HOXD3: variants seen among roughly 807,000 people sequenced by gnomAD.
HOXD3 encodes homeobox protein Hox-D3.
Under a neutral mutation model 32.8 loss-of-function variants are expected in HOXD3, and 13 were observed. That is an observed-to-expected ratio of 0.40 (90% CI 0.26 to 0.63). The LOEUF is 0.63. Ranked by LOEUF, HOXD3 falls within the 20% of genes least tolerant of loss-of-function variation. HOXD3 has a pLI of 0.44. For synonymous variants in HOXD3, 241 were observed against 246.8 expected (o/e 0.98, Z 0.22); for missense variants, 504 against 577.1 (o/e 0.87, Z 1.30).
intron 2 of HOXD3, among the ~76,000 whole-genome samples, chr2:176,167,621 G>A (rs149392373): frequency 5.3e-4 from 79 of 149,506 alleles, no homozygotes; most frequent in Non-Finnish European, 1.0e-3. Flanking sequence ...CCCTGTCATC[G>A]TTAAGTGGAC....
chr2:176,153,353 G>A, upstream of HOXD3: 1 of 207,160 alleles, frequency 4.8e-6, no homozygotes, highest in Non-Finnish European at 9.9e-6. Flanking sequence ...AGTTGAGGCA[G>A]AAGGTTGGCC....
Position 176,171,490 on chromosome 2 carries a change from GCCCTCCCTCTCT to G in HOXD3, c.542-18_542-7del. 1 of 1,553,318 alleles carries G rather than the reference GCCCTCCCTCTCT, an allele frequency of 6.4e-7. No individual in the cohort carries two copies. The highest frequency in any genetic ancestry group is 8.7e-7 in the Non-Finnish European group (1 of 1,149,144). On this transcript the variant is annotated splice_polypyrimidine_tract_variant and intron_variant, in intron 3 of 3. Coordinates refer to ENST00000683222, the MANE Select transcript of HOXD3 (RefSeq NM_006898.5). The stretch of plus-strand genomic sequence containing the variant: ...GAGGGTCCCCACCCACTCGCTCAGC[GCCCTCCCTCTCT>G]CCCTCCCTGCCCAGGAGAGAGCTGC...
At chr2:176,161,847 A>T (rs931096361) in intron 1 of HOXD3, among the ~76,000 whole-genome samples, 2 of 152,242 alleles carry the variant, frequency 1.3e-5, no homozygotes, top group African/African-American at 4.8e-5. Context: ...AAGCTAAATC[A>T]TATATTGGTT....
At chr2:176,155,773 G>GT (rs757922802), upstream of HOXD3, among the ~76,000 whole-genome samples, 16 of 152,228 alleles carry the variant, frequency 1.1e-4, no homozygotes, top group Non-Finnish European at 1.9e-4. Context: ...AAGTGTTTGT[G>GT]TTGGTGTTTT....
intron 3 of HOXD3, 35 bp downstream of exon 3, chr2:176,169,690 C>T: frequency 6.5e-7 from 1 of 1,544,566 alleles, no homozygotes; most frequent in South Asian, 1.3e-5. Context: ...CCAGACCAAG[C>T]CCCCTCCAGA....
At chr2:176,157,181 CG>C (rs909052994), upstream of HOXD3, among the ~76,000 whole-genome samples, 3 of 152,134 alleles carry the variant, frequency 2.0e-5, no homozygotes, top group Non-Finnish European at 4.4e-5. Context: ...CGCTGGCAGC[CG>C]GGGGAGGGCC....
upstream of HOXD3, among the ~76,000 whole-genome samples, chr2:176,153,852 G>T (rs547712521): frequency 6.6e-6 from 1 of 152,228 alleles, no homozygotes; most frequent in African/African-American, 2.4e-5. Flanking sequence ...ACCAACAAAT[G>T]GTCCAACATT....
At position 176,172,608 on chromosome 2, in the gene HOXD3, G is replaced by C. The variant is rs1574990428; in HGVS notation, c.*334G>C. On this transcript the variant is annotated 3_prime_UTR_variant, in exon 4 of 4. Transcript: ENST00000683222. ...AGCGGCGCGCCCTGCAGAGGGACCA[G>C]AGCTTGGAGAGTCTTGGGCCTGGCC... The C allele has an allele frequency of 6.3e-6, 2 of 315,780 alleles. No individual in the cohort carries two copies. The highest frequency in any genetic ancestry group is 1.1e-4 in the East Asian group (2 of 18,888). The allele number at this position is 315,780 out of a possible 1,614,324, so 19.6% of individuals were successfully genotyped here. A position where few individuals can be genotyped will look rare whatever the true frequency, so the allele number is the denominator to read the frequency against.
rs1559143970 is a variant in HOXD3, at chr2:176,173,096, G to C, written c.*822G>C. On this transcript the variant is annotated 3_prime_UTR_variant, in exon 4 of 4. Coordinates refer to ENST00000683222, the MANE Select transcript of HOXD3 (RefSeq NM_006898.5). Reference sequence around the variant, plus strand: ...ATATTTAGAATAAAAAAATTTCCCAGTCGGAACTGTATCTGTGTTAATCAT... The same window carrying C: ...ATATTTAGAATAAAAAAATTTCCCACTCGGAACTGTATCTGTGTTAATCAT... 6.6e-6 allele frequency: 1 copy of C among 152,634 alleles called. No homozygotes were observed. The highest frequency in any genetic ancestry group is 1.5e-5 in the Non-Finnish European group (1 of 68,050). The allele number at this position is 152,634 out of a possible 1,614,324, so 9.5% of individuals were successfully genotyped here.
chr2:176,157,149 G>C (rs1258310160), upstream of HOXD3, among the ~76,000 whole-genome samples: 1 of 152,176 alleles, frequency 6.6e-6, no homozygotes, highest in Non-Finnish European at 1.5e-5. Context: ...TGCCCCCCGC[G>C]CCGGGCTGGG....
rs1186459178 is a variant in HOXD3 at position 176,172,288 on chromosome 2, C to G, written c.*14C>G. ...ACGCATCTGTAGCGGCCGCCGCCAG[C>G]CCGAACTCGCGGCAAAATTACCTCT... On this transcript the variant is annotated 3_prime_UTR_variant, in exon 4 of 4. Transcript: ENST00000683222. 3 of 1,576,196 alleles carry G rather than the reference C, an allele frequency of 1.9e-6. No individual in the cohort carries two copies. Among genetic ancestry groups the G allele is most frequent in the Admixed American group, 1.7e-5 (1 of 57,516 alleles).
upstream of HOXD3, chr2:176,153,094 GCCC>G: frequency 2.3e-6 from 1 of 444,142 alleles, no homozygotes; most frequent in Admixed American, 3.2e-5. Context: ...TTAGCATCCT[GCCC>G]GAGGGCAGCC....
At chr2:176,161,555 A>C (rs2105436082) in intron 1 of HOXD3, among the ~76,000 whole-genome samples, 1 of 152,318 alleles carries the variant, frequency 6.6e-6, no homozygotes, top group African/African-American at 2.4e-5. Flanking sequence ...GTTGATTTAT[A>C]TGTATTTAAA....
chr2:176,168,937 T>G, intron 2 of HOXD3, 94 bp from the exon 3 acceptor site: 2 of 875,720 alleles, frequency 2.3e-6, no homozygotes, highest in South Asian at 2.5e-5. Flanking sequence ...CGCCGTGAAG[T>G]GGGTAGGAAG....
rs373186889 is a variant in HOXD3 at position 176,163,361 on chromosome 2, T to A, written c.-180-712T>A. Among the ~76,000 whole-genome samples the A allele has an allele frequency of 2.0e-4, 28 of 140,488 alleles. No individual in the cohort carries two copies. The East Asian group carries it at 5.7e-3, about 28-fold the overall frequency. The allele number at this position is 140,488 out of a possible 152,430, so 92.2% of individuals were successfully genotyped here. On this transcript the variant is annotated intron_variant, in intron 1 of 3. Transcript: ENST00000683222. ...CACCTGACGGGGGGTGGTCACCCGCTGAGCGGTGACAGTGGTGGGGGAGCT... is the reference window on the plus strand; with the variant it reads ...CACCTGACGGGGGGTGGTCACCCGCAGAGCGGTGACAGTGGTGGGGGAGCT...
At chr2:176,158,899 C>T (rs976320288) in intron 1 of HOXD3, among the ~76,000 whole-genome samples, 3 of 151,286 alleles carry the variant, frequency 2.0e-5, no homozygotes, top group Non-Finnish European at 2.9e-5. Flanking sequence ...GCTTCCCCAG[C>T]CCTGCTGGCA....
intron 1 of HOXD3, among the ~76,000 whole-genome samples, chr2:176,158,306 G>A (rs1363966118): frequency 1.3e-5 from 2 of 152,228 alleles, no homozygotes; most frequent in African/African-American, 2.4e-5. Flanking sequence ...CTGTTTCTCT[G>A]CTCGCTCCCG....
chr2:176,169,735 C>T lies in HOXD3; in HGVS notation c.541+80C>T, dbSNP rs1691111667. 6 of 1,492,454 alleles carry T rather than the reference C, an allele frequency of 4.0e-6. No individual in the cohort carries two copies. In the South Asian group the frequency reaches 6.7e-5, roughly 17 times the overall value. 92.5% of individuals were successfully genotyped at this position (1,492,454 alleles called of 1,614,324 possible). On this transcript the variant is annotated intron_variant, in intron 3 of 3. Transcript: ENST00000683222. ...GGAAGCCTAGTCAGGGCTGGAAATG[C>T]AACCTTGGAGGTCATATGTCTAAAC...
intron 2 of HOXD3, among the ~76,000 whole-genome samples, chr2:176,168,555 A>G (rs2857532): frequency 0.76 from 115,714 of 151,644 alleles, 44,798 homozygotes; most frequent in African/African-American, 0.89. Flanking sequence ...CAACAGGAGC[A>G]AAATTCCATC....
Sources: gnomAD v4.1 joint callset for allele counts (sites outside exome capture counted in the v4.1 genomes callset) on GRCh38, gnomAD v4.1.1 for gene constraint, MANE v1.5 for transcripts, NCBI Gene and HGNC (gene_info 2026-07-23, HGNC 2026-07-21) for gene names.